Variants in PARD3 observed in about 807,000 individuals in gnomAD.
The protein encoded by PARD3 is par-3 family cell polarity regulator.
In PARD3, 75 loss-of-function variants were observed where a neutral mutation model predicts 155.4. The ratio of observed to expected loss-of-function variants is 0.48; its 90% CI spans 0.40 to 0.58. PARD3 has a LOEUF of 0.58. Ranked by LOEUF, PARD3 falls within the 20% of genes least tolerant of loss-of-function variation. PARD3 has a pLI of 0.00. For synonymous variants in PARD3, 576 were observed against 610.5 expected (o/e 0.94, Z 0.83); for missense variants, 1,642 against 1,721.7 (o/e 0.95, Z 0.82).
intron 2 of PARD3, among the ~76,000 whole-genome samples, chr10:34,536,163 G>A (rs1384429425): frequency 2.0e-5 from 3 of 151,962 alleles, no homozygotes; most frequent in Admixed American, 6.6e-5. Context: ...CAACACCTAC[G>A]CTTCCACACA....
chr10:34,212,251 T>A (rs1167980943), intron 22 of PARD3, among the ~76,000 whole-genome samples: 1 of 152,142 alleles, frequency 6.6e-6, no homozygotes, highest in African/African-American at 2.4e-5. Context: ...CCACAACTTC[T>A]CCAGTAGAGA....
intron 10 of PARD3, among the ~76,000 whole-genome samples, chr10:34,377,470 G>C (rs1841364819): frequency 6.6e-6 from 1 of 152,070 alleles, no homozygotes. Flanking sequence ...CACGCCTGTA[G>C]TCCCAGCTAC....
At position 34,628,595 on chromosome 10, in the gene PARD3, G is replaced by A. The variant is rs1020101980; in HGVS notation, c.222+67723C>T. The stretch of plus-strand genomic sequence containing the variant: ...AACAGAGCTGCACTTGGCCTTAGCC[G>A]TTGGGGAGATAAGGCAGCCCTGCCC... On this transcript the variant is annotated intron_variant, in intron 2 of 24. Transcript: ENST00000374788. 3.3e-5 allele frequency among the ~76,000 whole-genome samples: 5 copies of A among 152,230 alleles called. No homozygotes were observed. The East Asian group carries it at 5.8e-4, about 18-fold the overall frequency.
At chr10:34,444,333 T>C (rs1303975651) in intron 5 of PARD3, among the ~76,000 whole-genome samples, 1 of 152,242 alleles carries the variant, frequency 6.6e-6, no homozygotes, top group Non-Finnish European at 1.5e-5. Flanking sequence ...CTGTGGAATT[T>C]ATTAGTTGCA....
Position 34,269,856 on chromosome 10 carries a change from C to G in PARD3, c.3220G>C (p.Glu1074Gln). The G allele has an allele frequency of 6.2e-7, 1 of 1,613,876 alleles. No homozygotes were observed. Among genetic ancestry groups the G allele is most frequent in the Non-Finnish European group, 8.5e-7 (1 of 1,179,902 alleles). The change falls in exon 22 of 25, where the codon GAG (glutamate) becomes CAG (glutamine). Residue 1074 changes from glutamate (E) to glutamine (Q), a missense_variant. By Grantham distance (29) the Glu-to-Gln change is conservative (BLOSUM62 2). Coordinates refer to ENST00000374788, the MANE Select transcript of PARD3 (RefSeq NM_001184785.2). ...TREFRERQAR[E>Q]RDYAEIQDFH... ...TCTTGAATTTCAGCATAGTCACGCTCTCGAGCTTGTCGTTCCCTAAATTCT... is the reference window on the plus strand; with the variant it reads ...TCTTGAATTTCAGCATAGTCACGCTGTCGAGCTTGTCGTTCCCTAAATTCT...
chr10:34,524,932 T>G (rs2082376439), intron 2 of PARD3, among the ~76,000 whole-genome samples: 1 of 152,194 alleles, frequency 6.6e-6, no homozygotes, highest in Non-Finnish European at 1.5e-5. Flanking sequence ...ATGTAGTAAC[T>G]AATTATTACG....
At chr10:34,744,006 T>A (rs534817856) in intron 1 of PARD3, among the ~76,000 whole-genome samples, 1 of 152,182 alleles carries the variant, frequency 6.6e-6, no homozygotes, top group South Asian at 2.1e-4. Flanking sequence ...TAAAAAGATC[T>A]CCAGACACTC....
intron 14 of PARD3, among the ~76,000 whole-genome samples, chr10:34,353,958 CAA>C (rs1423336855): frequency 6.6e-6 from 1 of 151,198 alleles, no homozygotes; most frequent in Non-Finnish European, 1.5e-5. Context: ...AGAAAACAAA[CAA>C]TGATGGTTTA....
intron 2 of PARD3, among the ~76,000 whole-genome samples, chr10:34,664,263 C>T (rs1199315713): frequency 6.6e-6 from 1 of 151,588 alleles, no homozygotes; most frequent in Non-Finnish European, 1.5e-5. Context: ...AGTGCAGTAG[C>T]GTGATCTCGG....
intron 20 of PARD3, among the ~76,000 whole-genome samples, chr10:34,296,159 T>C (rs1388842178): frequency 6.6e-6 from 1 of 152,212 alleles, no homozygotes; most frequent in Non-Finnish European, 1.5e-5. Context: ...GATTTACACA[T>C]TAAGAGTTCA....
chr10:34,407,632 A>G (rs1844632274), intron 5 of PARD3, among the ~76,000 whole-genome samples: 1 of 152,144 alleles, frequency 6.6e-6, no homozygotes, highest in Non-Finnish European at 1.5e-5. Context: ...GATTCCAGAA[A>G]AGGGGGGCCA....
intron 20 of PARD3, among the ~76,000 whole-genome samples, chr10:34,285,755 GT>G (rs1331741935): frequency 6.6e-6 from 1 of 152,036 alleles, no homozygotes; most frequent in Non-Finnish European, 1.5e-5. Context: ...TATCTCATCT[GT>G]TGATTAAAGT....
At chr10:34,399,641 C>A (rs1322644876) in intron 6 of PARD3, among the ~76,000 whole-genome samples, 1 of 152,144 alleles carries the variant, frequency 6.6e-6, no homozygotes, top group Non-Finnish European at 1.5e-5. Context: ...AGTCTGATGG[C>A]ATGGAGGGAG....
intron 5 of PARD3, among the ~76,000 whole-genome samples, chr10:34,417,355 C>T (rs149726626): frequency 6.6e-6 from 1 of 152,132 alleles, no homozygotes; most frequent in African/African-American, 2.4e-5. Context: ...CAGAAAAGAA[C>T]ATGGATTACA....
At chr10:34,810,679 T>C (rs144297202) in intron 1 of PARD3, among the ~76,000 whole-genome samples, 168 of 152,278 alleles carry the variant, frequency 1.1e-3, no homozygotes, top group Non-Finnish European at 2.1e-3. Flanking sequence ...CAAGCAGCAA[T>C]AGTGGGACAC....
chr10:34,808,039 C>T (rs1843619003), intron 1 of PARD3, among the ~76,000 whole-genome samples: 2 of 152,184 alleles, frequency 1.3e-5, no homozygotes, highest in Admixed American at 6.5e-5. Context: ...TTAGGCCAGG[C>T]ATGGTGGCTC....
chr10:34,414,718 G>A (rs962371512), intron 5 of PARD3, among the ~76,000 whole-genome samples: 8 of 151,582 alleles, frequency 5.3e-5, no homozygotes, highest in African/African-American at 1.9e-4. Context: ...AAGCAGAGAG[G>A]ACTCGAAACA....
chr10:34,672,304 C>T (rs976260968), intron 2 of PARD3, among the ~76,000 whole-genome samples: 1 of 152,168 alleles, frequency 6.6e-6, no homozygotes, highest in African/African-American at 2.4e-5. Context: ...AATTACAGTG[C>T]AGCTGGTTCA....
intron 22 of PARD3, among the ~76,000 whole-genome samples, chr10:34,228,920 T>C (rs1007809125): frequency 3.3e-5 from 5 of 152,180 alleles, no homozygotes; most frequent in Middle Eastern, 3.4e-3. Context: ...TTTATTCCTG[T>C]AGTCACCACA....
Sources: gnomAD v4.1 joint callset for allele counts (sites outside exome capture counted in the v4.1 genomes callset) on GRCh38, gnomAD v4.1.1 for gene constraint, MANE v1.5 for transcripts, NCBI Gene and HGNC (gene_info 2026-07-23, HGNC 2026-07-21) for gene names.